Variants in LHFPL6 observed in about 807,000 individuals in gnomAD.
LHFPL6 encodes LHFPL tetraspan subfamily member 6.
In LHFPL6, 9 loss-of-function variants were observed where a neutral mutation model predicts 20.6. That is an observed-to-expected ratio of 0.44 (90% CI 0.26 to 0.76). The LOEUF (loss-of-function observed/expected upper bound fraction) is 0.76, where lower values mean the gene tolerates loss of function less well. LHFPL6 is among the 30% of genes least tolerant of loss of function. The pLI is 0.20. For missense variants in LHFPL6, 218 were observed against 253.5 expected (o/e 0.86, Z 0.95); for synonymous variants, 105 against 98.7 (o/e 1.06, Z -0.38).
intron 2 of LHFPL6, among the ~76,000 whole-genome samples, chr13:39,566,892 C>A (rs996372493): frequency 3.3e-5 from 5 of 152,100 alleles, no homozygotes; most frequent in Non-Finnish European, 7.4e-5. Context: ...TACTTAATTT[C>A]TCTGTGTCTT....
At chr13:39,595,718 C>CA (rs1872752539) in intron 2 of LHFPL6, among the ~76,000 whole-genome samples, 1 of 152,108 alleles carries the variant, frequency 6.6e-6, no homozygotes, top group Non-Finnish European at 1.5e-5. Context: ...AAGGCATGGT[C>CA]TGTGGCCCTA....
At chr13:39,551,075 CT>C (rs1177442733) in intron 2 of LHFPL6, among the ~76,000 whole-genome samples, 2 of 152,096 alleles carry the variant, frequency 1.3e-5, no homozygotes. Flanking sequence ...TTTGTCTATT[CT>C]TTTGCTAATA....
Position 39,566,995 on chromosome 13 carries a change from C to T in LHFPL6, c.385+33837G>A, listed in dbSNP as rs1871741844. Reference sequence around the variant, plus strand: ...TAAAAGCATTTAGCATGGTGCCTTTCACATAGTTAAGCACTGAATAAATGT... The same window carrying T: ...TAAAAGCATTTAGCATGGTGCCTTTTACATAGTTAAGCACTGAATAAATGT... On this transcript the variant is annotated intron_variant, in intron 2 of 3. Coordinates refer to ENST00000379589, the MANE Select transcript of LHFPL6 (RefSeq NM_005780.3). 2.7e-5 allele frequency among the ~76,000 whole-genome samples: 4 copies of T among 150,382 alleles called. No homozygotes were observed. The South Asian group carries it at 8.4e-4, about 32-fold the overall frequency.
intron 2 of LHFPL6, among the ~76,000 whole-genome samples, chr13:39,456,794 A>T (rs1447765232): frequency 6.6e-6 from 1 of 151,928 alleles, no homozygotes; most frequent in East Asian, 1.9e-4. Flanking sequence ...AATTAGACAA[A>T]GATTTCTTTT....
intron 3 of LHFPL6, among the ~76,000 whole-genome samples, chr13:39,345,537 A>AAAAAAAAAAAAAAAAAAAAAAAAAAC (rs1593279014): frequency 2.7e-5 from 4 of 146,504 alleles, no homozygotes; most frequent in Non-Finnish European, 4.5e-5. Flanking sequence ...AAAAAAAAAA[A>AAAAAAAAAAAAAAAAAAAAAAAAAAC]AAAGAAAGAA....
At chr13:39,547,158 T>G (rs1196641402) in intron 2 of LHFPL6, among the ~76,000 whole-genome samples, 1 of 152,120 alleles carries the variant, frequency 6.6e-6, no homozygotes, top group Non-Finnish European at 1.5e-5. Context: ...TCCAGTGCCC[T>G]GGCTAAATTT....
At position 39,560,504 on chromosome 13, in the gene LHFPL6, C is replaced by CTTTTTTTT. The variant is rs376446144; in HGVS notation, c.385+40320_385+40327dup. Among the ~76,000 whole-genome samples the CTTTTTTTT allele has an allele frequency of 1.4e-4, 17 of 118,178 alleles. 1 individual carries two copies. Among genetic ancestry groups the CTTTTTTTT allele is most frequent in the Admixed American group, 3.0e-4 (3 of 10,086 alleles). The allele number at this position is 118,178 out of a possible 152,430, so 77.5% of individuals were successfully genotyped here. On this transcript the variant is annotated intron_variant, in intron 2 of 3. Coordinates refer to ENST00000379589, the MANE Select transcript of LHFPL6 (RefSeq NM_005780.3). Reference sequence around the variant, plus strand: ...ATCTCCTTTGGGTTATGCAAATTCTCTTTTTTTTTTTTTTTTTTTTCTTTT... The same window carrying CTTTTTTTT: ...ATCTCCTTTGGGTTATGCAAATTCTCTTTTTTTTTTTTTTTTTTTTTTTTTTTTCTTTT...
chr13:39,361,591 C>T (rs1010258326), intron 3 of LHFPL6, among the ~76,000 whole-genome samples: 4 of 152,176 alleles, frequency 2.6e-5, no homozygotes, highest in Admixed American at 1.3e-4. Flanking sequence ...GTTGGGATTA[C>T]AGGCGTGAGC....
chr13:39,442,178 C>T (rs1872157633), intron 2 of LHFPL6, among the ~76,000 whole-genome samples: 1 of 151,926 alleles, frequency 6.6e-6, no homozygotes, highest in Non-Finnish European at 1.5e-5. Flanking sequence ...CTTCTATGAT[C>T]ATGGGAAAGA....
At chr13:39,584,923 T>C (rs1872401808) in intron 2 of LHFPL6, among the ~76,000 whole-genome samples, 1 of 152,202 alleles carries the variant, frequency 6.6e-6, no homozygotes, top group Non-Finnish European at 1.5e-5. Context: ...TGGATTGTTA[T>C]GGGGAGCCAA....
chr13:39,425,283 A>G (rs1323939), intron 2 of LHFPL6, among the ~76,000 whole-genome samples: 140,290 of 152,284 alleles, frequency 0.92, 65,755 homozygotes, highest in East Asian at 1. Context: ...TCCATTGCAT[A>G]GGTATATCAC....
intron 2 of LHFPL6, among the ~76,000 whole-genome samples, chr13:39,408,796 C>T (rs551940538): frequency 1.3e-5 from 2 of 152,208 alleles, no homozygotes; most frequent in South Asian, 4.1e-4. Flanking sequence ...AGCAGCATGA[C>T]CAGAAATGTA....
intron 2 of LHFPL6, among the ~76,000 whole-genome samples, chr13:39,595,821 T>G (rs1189086692): frequency 6.6e-6 from 1 of 152,224 alleles, no homozygotes; most frequent in Non-Finnish European, 1.5e-5. Context: ...CTGATTTAAG[T>G]GCCATTCTAC....
At chr13:39,599,032 C>CA (rs1174917012) in intron 2 of LHFPL6, among the ~76,000 whole-genome samples, 5 of 151,894 alleles carry the variant, frequency 3.3e-5, no homozygotes, top group African/African-American at 4.8e-5. Flanking sequence ...CTATATAATT[C>CA]AAAAAAAATC....
chr13:39,580,674 T>C (rs934565063), intron 2 of LHFPL6, among the ~76,000 whole-genome samples: 1 of 152,210 alleles, frequency 6.6e-6, no homozygotes, highest in African/African-American at 2.4e-5. Flanking sequence ...ATAGCGACCA[T>C]TTATTGGGAA....
intron 3 of LHFPL6, among the ~76,000 whole-genome samples, chr13:39,375,946 C>T (rs1320651610): frequency 6.6e-5 from 10 of 151,710 alleles, no homozygotes; most frequent in Admixed American, 5.3e-4. Context: ...GAAATGAAAA[C>T]AACTTTATAG....
intron 2 of LHFPL6, among the ~76,000 whole-genome samples, chr13:39,577,551 A>G (rs1213801564): frequency 6.6e-6 from 1 of 152,176 alleles, no homozygotes; most frequent in African/African-American, 2.4e-5. Flanking sequence ...TGGATCATCT[A>G]TGAGAGGCAG....
chr13:39,391,740 T>C (rs544165380), intron 2 of LHFPL6, among the ~76,000 whole-genome samples: 28 of 135,690 alleles, frequency 2.1e-4, no homozygotes, highest in African/African-American at 7.2e-4. Flanking sequence ...AATACGGTGG[T>C]ACAGGTGGCC....
chr13:39,428,464 A>G (rs1285872749), intron 2 of LHFPL6, among the ~76,000 whole-genome samples: 2 of 152,126 alleles, frequency 1.3e-5, no homozygotes, highest in African/African-American at 4.8e-5. Flanking sequence ...ACATCATCTA[A>G]GTTGTCAAAT....
Sources: gnomAD v4.1 joint callset for allele counts (sites outside exome capture counted in the v4.1 genomes callset) on GRCh38, gnomAD v4.1.1 for gene constraint, MANE v1.5 for transcripts, NCBI Gene and HGNC (gene_info 2026-07-23, HGNC 2026-07-21) for gene names.